Variants in HCRTR2 observed in about 807,000 individuals in gnomAD.
HCRTR2 encodes hypocretin receptor 2.
A neutral mutation model predicts 49.0 loss-of-function variants in HCRTR2; 22 were observed. The ratio of observed to expected loss-of-function variants is 0.45; its 90% CI spans 0.32 to 0.64. The LOEUF is 0.64. HCRTR2 is among the 30% of genes least tolerant of loss of function. The probability of loss-of-function intolerance (pLI) is 0.04; values close to 1 mark genes in which losing one functional copy is unlikely to be tolerated. For missense variants in HCRTR2, 491 were observed against 559.4 expected, an observed-to-expected ratio of 0.88 and a Z score of 1.23; for synonymous variants, 236 against 205.3, an observed-to-expected ratio of 1.15 and a Z score of -1.28.
At chr6:55,248,498 T>C (rs1766487532) in intron 1 of HCRTR2, 141 bp from the exon 2 acceptor site, 3 of 711,568 alleles carry the variant, frequency 4.2e-6, no homozygotes, top group Admixed American at 2.1e-5. Context: ...GATTGACAGA[T>C]TCAGTGAAAA....
intron 1 of HCRTR2, among the ~76,000 whole-genome samples, chr6:55,139,228 C>G (rs560292507): frequency 3.3e-5 from 5 of 152,136 alleles, no homozygotes; most frequent in Non-Finnish European, 7.4e-5. Flanking sequence ...CACCTTTAGA[C>G]GTGGTAGCAG....
intron 1 of HCRTR2, among the ~76,000 whole-genome samples, chr6:55,211,048 A>G (rs1243265256): frequency 2.0e-5 from 3 of 152,118 alleles, no homozygotes; most frequent in Non-Finnish European, 2.9e-5. Flanking sequence ...ATAATTGCCT[A>G]CAGTGTTCAG....
At chr6:55,154,817 C>T (rs1037239150) in intron 1 of HCRTR2, among the ~76,000 whole-genome samples, 1 of 151,618 alleles carries the variant, frequency 6.6e-6, no homozygotes, top group African/African-American at 2.4e-5. Flanking sequence ...CTTAAAGATT[C>T]CACAAAAACA....
intron 1 of HCRTR2, among the ~76,000 whole-genome samples, chr6:55,179,654 G>C (rs1350277004): frequency 6.6e-6 from 1 of 152,088 alleles, no homozygotes; most frequent in Non-Finnish European, 1.5e-5. Context: ...TGGGAAATGG[G>C]ATAATTAAAA....
At chr6:55,220,106 T>C (rs987441077) in intron 1 of HCRTR2, among the ~76,000 whole-genome samples, 6 of 152,102 alleles carry the variant, frequency 3.9e-5, no homozygotes, top group African/African-American at 1.2e-4. Context: ...TGGAGAATTC[T>C]GCCAACATTT....
intron 5 of HCRTR2, among the ~76,000 whole-genome samples, chr6:55,279,257 A>G (rs1767140982): frequency 6.6e-6 from 1 of 151,936 alleles, no homozygotes; most frequent in Non-Finnish European, 1.5e-5. Flanking sequence ...TCTTTCTCCC[A>G]CAAAAACCAT....
At position 55,252,172 on chromosome 6, in the gene HCRTR2, A is replaced by G. The variant is rs532374242; in HGVS notation, c.403-2964A>G. ...TCACTGATTGTCAAGGGTTCATTCA[A>G]TGGATTGGTTCATTCTACTGTTAGA... On this transcript the variant is annotated intron_variant, in intron 2 of 6. Coordinates refer to ENST00000370862, the MANE Select transcript of HCRTR2 (RefSeq NM_001384272.1). 1.6e-4 allele frequency among the ~76,000 whole-genome samples: 25 copies of G among 152,202 alleles called. No individual in the cohort carries two copies. In the South Asian group the frequency reaches 4.6e-3, roughly 28 times the overall value.
chr6:55,206,050 T>C (rs1268523265), intron 1 of HCRTR2, among the ~76,000 whole-genome samples: 1 of 152,038 alleles, frequency 6.6e-6, no homozygotes. Context: ...CTGACTCTTT[T>C]ATTTGTTGAA....
chr6:55,153,362 T>C (rs1288004144), intron 1 of HCRTR2, among the ~76,000 whole-genome samples: 1 of 152,038 alleles, frequency 6.6e-6, no homozygotes, highest in Non-Finnish European at 1.5e-5. Context: ...CTATAAGGTA[T>C]AGCTTTTTGC....
intron 1 of HCRTR2, among the ~76,000 whole-genome samples, chr6:55,196,448 G>A (rs1765411280): frequency 6.6e-6 from 1 of 152,096 alleles, no homozygotes; most frequent in Non-Finnish European, 1.5e-5. Context: ...TAGACATAGA[G>A]GTGCCTAAGA....
intron 1 of HCRTR2, among the ~76,000 whole-genome samples, chr6:55,195,338 G>A (rs1026377196): frequency 6.6e-6 from 1 of 152,174 alleles, no homozygotes; most frequent in Non-Finnish European, 1.5e-5. Context: ...AAGATACCAT[G>A]AGGAAAGTGA....
intron 1 of HCRTR2, among the ~76,000 whole-genome samples, chr6:55,215,588 A>T (rs2127293701): frequency 6.6e-6 from 1 of 152,352 alleles, no homozygotes; most frequent in Admixed American, 6.5e-5. Flanking sequence ...AAGTTAAAAA[A>T]AACCACAAGT....
At chr6:55,239,388 C>T (rs1766276566) in intron 1 of HCRTR2, among the ~76,000 whole-genome samples, 1 of 152,134 alleles carries the variant, frequency 6.6e-6, no homozygotes, top group Admixed American at 6.6e-5. Context: ...TTCCCACTTT[C>T]TTCACTGTAT....
intron 1 of HCRTR2, among the ~76,000 whole-genome samples, chr6:55,215,885 G>T (rs982312718): frequency 6.6e-6 from 1 of 152,186 alleles, no homozygotes; most frequent in African/African-American, 2.4e-5. Flanking sequence ...CTAAACATCT[G>T]AGACTAGGTC....
rs147696970 is a variant in HCRTR2, at chr6:55,122,770, T to C, written c.-378+16225T>C. On this transcript the variant is annotated intron_variant, in intron 1 of 7. Transcript: ENST00000615358. ...AAGAAAATGTGACACATGTACACCA[T>C]GGAATACTATGCAGCCATAAAAAAT... Among the ~76,000 whole-genome samples the C allele has an allele frequency of 1.9e-3, 287 of 152,168 alleles. 1 individual carries two copies. The highest frequency in any genetic ancestry group is 3.5e-3 in the Non-Finnish European group (236 of 67,996).
At chr6:55,264,153 G>A (rs181220764) in intron 4 of HCRTR2, among the ~76,000 whole-genome samples, 4 of 151,844 alleles carry the variant, frequency 2.6e-5, no homozygotes, top group African/African-American at 4.8e-5. Context: ...CACTAATTTC[G>A]CTTTCTATGA....
At chr6:55,175,132 T>C (rs996130094) in intron 1 of HCRTR2, among the ~76,000 whole-genome samples, 1 of 151,556 alleles carries the variant, frequency 6.6e-6, no homozygotes. Context: ...TGTGTGTGTG[T>C]GTGGGTGGGT....
At chr6:55,112,790 C>T (rs988821289) in intron 1 of HCRTR2, among the ~76,000 whole-genome samples, 1 of 151,642 alleles carries the variant, frequency 6.6e-6, no homozygotes, top group Non-Finnish European at 1.5e-5. Context: ...GAAATAAAAC[C>T]TTCAATTCCT....
intron 1 of HCRTR2, among the ~76,000 whole-genome samples, chr6:55,194,617 A>ATGAG (rs1581821346): frequency 6.6e-6 from 1 of 152,222 alleles, no homozygotes; most frequent in East Asian, 1.9e-4. Context: ...AAATCTTAAC[A>ATGAG]TGAGTCTGAT....
Sources: allele counts gnomAD v4.1 joint callset (sites outside exome capture counted in the v4.1 genomes callset), GRCh38; gene constraint gnomAD v4.1.1; transcripts MANE v1.5; gene names NCBI Gene and HGNC (gene_info 2026-07-23, HGNC 2026-07-21).